MDGA2: variants seen among roughly 807,000 people sequenced by gnomAD.
The protein encoded by MDGA2 is MAM domain-containing glycosylphosphatidylinositol anchor protein 2.
Under a neutral mutation model 117.8 loss-of-function variants are expected in MDGA2, and 40 were observed. The ratio of observed to expected loss-of-function variants is 0.34; its 90% CI spans 0.26 to 0.44. The LOEUF (loss-of-function observed/expected upper bound fraction) is 0.44. MDGA2 is among the 20% of genes least tolerant of loss of function. The pLI, the probability that MDGA2 is intolerant of heterozygous loss-of-function variation, is 1.00. For missense variants in MDGA2, 1,123 were observed against 1,250.6 expected (o/e 0.90, Z 1.54); for synonymous variants, 452 against 439.0 (o/e 1.03, Z -0.37).
chr14:47,280,170 TG>T (rs1888431625), intron 2 of MDGA2, among the ~76,000 whole-genome samples: 2 of 151,432 alleles, frequency 1.3e-5, no homozygotes, highest in African/African-American at 4.8e-5. Context: ...CAAAATTATC[TG>T]GGCGTGGTGG....
intron 1 of MDGA2, among the ~76,000 whole-genome samples, chr14:47,478,274 T>C (rs989779640): frequency 1.3e-5 from 2 of 152,236 alleles, no homozygotes; most frequent in African/African-American, 4.8e-5. Flanking sequence ...GCAGACATAT[T>C]GCATGTATTC....
chr14:47,421,149 G>A (rs752215791), intron 1 of MDGA2, among the ~76,000 whole-genome samples: 1 of 152,024 alleles, frequency 6.6e-6, no homozygotes, highest in African/African-American at 2.4e-5. Context: ...TACTCTCTGG[G>A]TCAGTTTGAT....
intron 7 of MDGA2, among the ~76,000 whole-genome samples, chr14:47,037,609 T>C (rs1356903551): frequency 6.6e-6 from 1 of 152,218 alleles, no homozygotes; most frequent in Non-Finnish European, 1.5e-5. Flanking sequence ...AATTATCTTT[T>C]CTTTCTTTTA....
At chr14:46,990,988 A>G (rs979871385) in intron 8 of MDGA2, among the ~76,000 whole-genome samples, 4 of 152,074 alleles carry the variant, frequency 2.6e-5, no homozygotes, top group African/African-American at 9.7e-5. Flanking sequence ...TGCAAGTATC[A>G]GAACACACAC....
Position 46,882,054 on chromosome 14 carries a change from G to T in MDGA2, c.2406C>A (p.Ile802=). 2 of 1,601,418 alleles carry T rather than the reference G, an allele frequency of 1.2e-6. No individual in the cohort carries two copies. Among genetic ancestry groups the T allele is most frequent in the South Asian group, 1.1e-5 (1 of 88,762 alleles). Residue 802 remains isoleucine (I), a synonymous_variant, in exon 11 of 17, where the codon ATC becomes ATA. Coordinates refer to ENST00000399232, the MANE Select transcript of MDGA2 (RefSeq NM_001113498.3). ...FGEGDSTIRV[I]KYSAPVNPHL... is the part of the protein sequence containing the mutation. ...TGAAAGGCTACTTACCACTATATTT[G>T]ATCACACGAATTGTTGAATCTCCTT...
At chr14:47,475,074 AATCT>A (rs1893809506) in intron 1 of MDGA2, among the ~76,000 whole-genome samples, 1 of 152,198 alleles carries the variant, frequency 6.6e-6, no homozygotes, top group South Asian at 2.1e-4. Flanking sequence ...AAATTTTTGC[AATCT>A]ATCTATCTGA....
chr14:46,929,221 T>C (rs1884442898), intron 9 of MDGA2, among the ~76,000 whole-genome samples: 1 of 152,244 alleles, frequency 6.6e-6, no homozygotes, highest in East Asian at 1.9e-4. Flanking sequence ...ATGCCATTTA[T>C]ATATGTATGA....
intron 1 of MDGA2, among the ~76,000 whole-genome samples, chr14:47,433,338 T>C (rs1320470360): frequency 6.6e-6 from 1 of 151,960 alleles, no homozygotes; most frequent in Non-Finnish European, 1.5e-5. Flanking sequence ...AAGTATTGAT[T>C]AAGAAAAAAC....
chr14:47,372,424 T>A (rs12436613), intron 1 of MDGA2, among the ~76,000 whole-genome samples: 12,154 of 151,834 alleles, frequency 0.08, 566 homozygotes, highest in Non-Finnish European at 0.09. Context: ...GGAAAAGAAT[T>A]AGCAATTCAC....
At chr14:47,044,384 T>G (rs527965384) in intron 7 of MDGA2, among the ~76,000 whole-genome samples, 1 of 152,136 alleles carries the variant, frequency 6.6e-6, no homozygotes, top group African/African-American at 2.4e-5. Flanking sequence ...CTTGGTAATA[T>G]TGAGTAATTT....
At chr14:46,897,224 C>T (rs1459567401) in intron 10 of MDGA2, among the ~76,000 whole-genome samples, 3 of 152,116 alleles carry the variant, frequency 2.0e-5, no homozygotes, top group Non-Finnish European at 4.4e-5. Flanking sequence ...AATCTAGTAT[C>T]ACTCTCCACT....
At chr14:47,556,212 T>C (rs769570686) in intron 1 of MDGA2, among the ~76,000 whole-genome samples, 1 of 152,298 alleles carries the variant, frequency 6.6e-6, no homozygotes, top group East Asian at 1.9e-4. Flanking sequence ...GCACAGCTTA[T>C]AGGACTCTGT....
At chr14:46,885,036 CAG>C (rs1882618731) in intron 10 of MDGA2, among the ~76,000 whole-genome samples, 2 of 151,998 alleles carry the variant, frequency 1.3e-5, no homozygotes, top group South Asian at 4.2e-4. Context: ...TTAGTAGAGA[CAG>C]GGTTACACCA....
intron 3 of MDGA2, among the ~76,000 whole-genome samples, chr14:47,211,334 T>C (rs1885875861): frequency 6.6e-6 from 1 of 152,176 alleles, no homozygotes; most frequent in Admixed American, 6.5e-5. Context: ...GTTTCATGGA[T>C]GCTAACCAAA....
chr14:47,547,271 G>A (rs914831633), intron 1 of MDGA2, among the ~76,000 whole-genome samples: 1 of 152,144 alleles, frequency 6.6e-6, no homozygotes, highest in African/African-American at 2.4e-5. Context: ...AAAGGTAATG[G>A]GCAGAATTGC....
chr14:47,580,810 C>T (rs919522232), intron 1 of MDGA2, among the ~76,000 whole-genome samples: 42 of 151,974 alleles, frequency 2.8e-4, no homozygotes, highest in African/African-American at 9.9e-4. Flanking sequence ...ATAATGCTTC[C>T]ACTACATAAC....
rs181772252 is a variant in MDGA2 at position 46,846,570 on chromosome 14, A to G, written c.2884-699T>C. 1.6e-4 allele frequency among the ~76,000 whole-genome samples: 25 copies of G among 152,258 alleles called. No individual in the cohort carries two copies. In the East Asian group the frequency reaches 4.6e-3, roughly 28 times the overall value. On this transcript the variant is annotated intron_variant, in intron 15 of 16. Coordinates refer to ENST00000399232, the MANE Select transcript of MDGA2 (RefSeq NM_001113498.3). Reference sequence around the variant, plus strand: ...CAGTGCATGAATATTGAAAGAATAAATGAGTACAATCAGAATCCTTTATTA... The same window carrying G: ...CAGTGCATGAATATTGAAAGAATAAGTGAGTACAATCAGAATCCTTTATTA...
intron 2 of MDGA2, among the ~76,000 whole-genome samples, chr14:47,230,315 G>A (rs778371013): frequency 6.6e-6 from 1 of 151,898 alleles, no homozygotes; most frequent in Non-Finnish European, 1.5e-5. Flanking sequence ...TGCTTCCAAG[G>A]CATATAGGTT....
chr14:47,631,473 C>T (rs767296897), intron 1 of MDGA2, among the ~76,000 whole-genome samples: 5 of 152,152 alleles, frequency 3.3e-5, no homozygotes, highest in Non-Finnish European at 5.9e-5. Flanking sequence ...TCTTTGTCAT[C>T]ACATAACCTT....
Sources: allele counts gnomAD v4.1 joint callset (sites outside exome capture counted in the v4.1 genomes callset), GRCh38; gene constraint gnomAD v4.1.1; transcripts MANE v1.5; gene names NCBI Gene and HGNC (gene_info 2026-07-23, HGNC 2026-07-21).